PRKD3: variants seen among roughly 807,000 people sequenced by gnomAD.
The protein encoded by PRKD3 is protein kinase D3.
Under a neutral mutation model 99.2 loss-of-function variants are expected in PRKD3, and 47 were observed. The ratio of observed to expected loss-of-function variants is 0.47; its 90% confidence interval spans 0.38 to 0.60. The LOEUF is 0.60. Among genes scored for constraint, PRKD3 ranks in the 20% least tolerant of loss-of-function variants. The pLI is 0.00. For missense variants in PRKD3, 1,019 were observed against 1,088.4 expected, an observed-to-expected ratio of 0.94 and a Z score of 0.90; for synonymous variants, 392 against 355.4, an observed-to-expected ratio of 1.10 and a Z score of -1.16.
chr2:37,282,477 G>C (rs749228826), intron 7 of PRKD3, 65 bp downstream of exon 7: 4 of 1,046,854 alleles, frequency 3.8e-6, no homozygotes, highest in African/African-American at 1.6e-5. Context: ...CTTATCCAAA[G>C]ATAATACACC....
At chr2:37,307,217 T>C (rs1671206711) in intron 2 of PRKD3, among the ~76,000 whole-genome samples, 2 of 152,230 alleles carry the variant, frequency 1.3e-5, no homozygotes, top group African/African-American at 4.8e-5. Context: ...ATCTTATATA[T>C]TAAAATCAGA....
chr2:37,292,354 T>C (rs901820660), intron 3 of PRKD3, among the ~76,000 whole-genome samples: 20 of 151,954 alleles, frequency 1.3e-4, no homozygotes, highest in African/African-American at 4.6e-4. Context: ...TTTTTCCTTT[T>C]TTTTTTTTTG....
chr2:37,303,118 T>C lies in PRKD3; in HGVS notation c.289-9847A>G, dbSNP rs1033713919. ...TTGACTGGAGAGAGGTGACTTGACA[T>C]TGGAGGGACAGCTGGACTTCAGAGG... On this transcript the variant is annotated intron_variant, in intron 2 of 18. Coordinates refer to ENST00000234179, the MANE Select transcript of PRKD3 (RefSeq NM_005813.6). Among the ~76,000 whole-genome samples, 93 of 152,102 alleles carry C rather than the reference T, an allele frequency of 6.1e-4. 2 individuals are homozygous for C. Among genetic ancestry groups the C allele is most frequent in the Non-Finnish European group, 4.0e-4 (27 of 67,976 alleles).
intron 18 of PRKD3, among the ~76,000 whole-genome samples, chr2:37,253,568 GTAAC>G (rs1558517887): frequency 6.6e-6 from 1 of 152,024 alleles, no homozygotes; most frequent in Non-Finnish European, 1.5e-5. Flanking sequence ...ATGAATGAAC[GTAAC>G]TAATTTCTGA....
intron 1 of PRKD3, among the ~76,000 whole-genome samples, chr2:37,318,873 G>A (rs1671767504): frequency 6.6e-6 from 1 of 152,172 alleles, no homozygotes; most frequent in Non-Finnish European, 1.5e-5. Flanking sequence ...CTGGCGGCTG[G>A]AGAAGCAGGA....
chr2:37,305,159 A>G (rs2124878593), intron 2 of PRKD3, among the ~76,000 whole-genome samples: 1 of 152,336 alleles, frequency 6.6e-6, no homozygotes, highest in Non-Finnish European at 1.5e-5. Context: ...CAAAAGATAC[A>G]GCTGGGGTGT....
chr2:37,274,541 C>G lies in PRKD3; in HGVS notation c.1531G>C (p.Ala511Pro), dbSNP rs769789912. The G allele has an allele frequency of 6.2e-7, 1 of 1,614,094 alleles. No homozygotes were observed. Residue 511 changes from alanine to proline, a missense_variant, in exon 11 of 19, where the codon GCT becomes CCT. Ala to Pro is a conservative substitution (Grantham distance 27, BLOSUM62 -1). Coordinates refer to ENST00000234179, the MANE Select transcript of PRKD3 (RefSeq NM_005813.6). ...NGDSSHNPVL[A>P]ATGVGLDVAQ... ...ACATCAAGTCCAACTCCAGTGGCAGCAAGAACAGGATTATGAGAGCTGTCC... is the reference window on the plus strand; with the variant it reads ...ACATCAAGTCCAACTCCAGTGGCAGGAAGAACAGGATTATGAGAGCTGTCC...
At chr2:37,256,489 T>G (rs527870428) in intron 17 of PRKD3, among the ~76,000 whole-genome samples, 173 bp downstream of exon 17, 3 of 152,124 alleles carry the variant, frequency 2.0e-5, no homozygotes, top group African/African-American at 7.2e-5. Flanking sequence ...CAGATAAAAG[T>G]ATAAAAAGAA....
intron 9 of PRKD3, 36 bp downstream of exon 9, chr2:37,277,830 T>C (rs1669649413): frequency 6.2e-7 from 1 of 1,602,510 alleles, no homozygotes; most frequent in African/African-American, 1.3e-5. Flanking sequence ...CATAACAAAG[T>C]CTTACTAGCA....
intron 16 of PRKD3, among the ~76,000 whole-genome samples, chr2:37,258,289 C>T (rs1393526581): frequency 6.6e-6 from 1 of 152,206 alleles, no homozygotes; most frequent in African/African-American, 2.4e-5. Flanking sequence ...AAAATCATTA[C>T]TGAATCTGGC....
chr2:37,279,844 A>C lies in PRKD3; in HGVS notation c.1074T>G (p.Asp358Glu), dbSNP rs1196251563. ...DINSDSSRGL[D>E]DTEEPSPPED... The stretch of plus-strand genomic sequence containing the variant: ...CTGGGGGTGATGGCTCTTCTGTGTC[A>C]TCCAAACCCCGACTACTATCACTAT... The change falls in exon 8 of 19, where the codon GAT becomes GAG. Residue 358 changes from aspartate to glutamate, a missense_variant. Asp to Glu is a conservative substitution (Grantham distance 45). Around this residue, in one of 3 missense-constraint regions of PRKD3, gnomAD observed 710 missense variants for 692.7 expected, o/e 1.02. Transcript: ENST00000234179. 6.2e-7 allele frequency: 1 copy of C among 1,613,434 alleles called. No individual in the cohort carries two copies. The highest frequency in any genetic ancestry group is 8.5e-7 in the Non-Finnish European group (1 of 1,179,530).
intron 3 of PRKD3, 194 bp downstream of exon 3, chr2:37,292,939 G>C (rs1467936257): frequency 6.0e-6 from 3 of 501,606 alleles, no homozygotes; most frequent in Non-Finnish European, 9.6e-6. Context: ...AGCCACCGTT[G>C]CCAGGTATTT....
intron 1 of PRKD3, among the ~76,000 whole-genome samples, chr2:37,322,151 T>C (rs1671912824): frequency 6.6e-6 from 1 of 152,196 alleles, no homozygotes; most frequent in South Asian, 2.1e-4. Context: ...ATGTGGCCTT[T>C]TTCAATGCAA....
intron 11 of PRKD3, among the ~76,000 whole-genome samples, chr2:37,273,760 T>C (rs566607471): frequency 6.6e-6 from 1 of 152,320 alleles, no homozygotes; most frequent in African/African-American, 2.4e-5. Context: ...ATGAATGACT[T>C]ATGTGTCCCC....
rs763558963 is a variant in PRKD3, at chr2:37,274,658, G to C, written c.1414C>G (p.Arg472Gly). ...CCTTGTGAAATGTTTGTGAAATCTC[G>C]TGGTGAAGATATGCGGAGAATTTCT... ...LSEILRISSPRDFTNISQGSN... is the reference protein window; with the variant it reads ...LSEILRISSPGDFTNISQGSN... The change falls in exon 11 of 19, where the codon CGA becomes GGA. Residue 472 changes from arginine to glycine, a missense_variant. Coordinates refer to ENST00000234179, the MANE Select transcript of PRKD3 (RefSeq NM_005813.6). The C allele has an allele frequency of 6.2e-7, 1 of 1,613,942 alleles. No individual in the cohort carries two copies. The highest frequency in any genetic ancestry group is 8.5e-7 in the Non-Finnish European group (1 of 1,179,862).
chr2:37,260,115 G>C (rs1392051198), intron 15 of PRKD3, 108 bp downstream of exon 15: 2 of 1,003,090 alleles, frequency 2.0e-6, no homozygotes, highest in East Asian at 2.6e-5. Context: ...CAGTGAGCCA[G>C]ATTGCACCAC....
At chr2:37,279,974 G>T in intron 7 of PRKD3, 45 bp from the exon 8 acceptor site, 2 of 1,339,848 alleles carry the variant, frequency 1.5e-6, no homozygotes, top group Non-Finnish European at 2.1e-6. Context: ...ATTAATAGAG[G>T]AAGTCCATTA....
At position 37,274,558 on chromosome 2, in the gene PRKD3, G is replaced by A. The variant is rs762865687; in HGVS notation, c.1514C>T (p.Ser505Phe). 1.2e-5 allele frequency: 20 copies of A among 1,614,020 alleles called. No individual in the cohort carries two copies. In the East Asian group the frequency reaches 3.3e-4, roughly 27 times the overall value. ...YFVGENNGDSSHNPVLAATGV... is the reference protein window; with the variant it reads ...YFVGENNGDSFHNPVLAATGV... ...AGTGGCAGCAAGAACAGGATTATGA[G>A]AGCTGTCCCCATTGTTCTCACCAAC... is the stretch of plus-strand genomic sequence containing the variant. The change falls in exon 11 of 19, where the codon TCT (serine) becomes TTT (phenylalanine). Residue 505 changes from serine to phenylalanine, a missense_variant. Coordinates refer to ENST00000234179, the MANE Select transcript of PRKD3 (RefSeq NM_005813.6).
intron 18 of PRKD3, 126 bp downstream of exon 18, chr2:37,254,072 CCATAGT>C (rs1297317062): frequency 1.5e-6 from 1 of 664,000 alleles, no homozygotes. Context: ...AGAGATTCAG[CCATAGT>C]ACAAATTAAT....
Sources: allele counts gnomAD v4.1 joint callset (sites outside exome capture counted in the v4.1 genomes callset), GRCh38; gene constraint gnomAD v4.1.1; regional missense constraint gnomAD v4.1.1; transcripts MANE v1.5; gene names NCBI Gene and HGNC (gene_info 2026-07-23, HGNC 2026-07-21).